Variants in MGAM observed in about 807,000 individuals in gnomAD.
MGAM encodes the protein alpha-1,4-glucosidase.
MGAM carries 253 observed loss-of-function variants against 358.8 expected under a neutral mutation model. The observed-to-expected ratio is 0.71, with a 90% CI of 0.64 to 0.78. The LOEUF (loss-of-function observed/expected upper bound fraction) is 0.78. Ranked by LOEUF, MGAM falls within the 30% of genes least tolerant of loss-of-function variation. The pLI is 0.00. For missense variants in MGAM, 3,080 were observed against 3,432.6 expected (o/e 0.90, Z 2.57); for synonymous variants, 1,105 against 1,227.1 (o/e 0.90, Z 2.08).
chr7:142,000,658 C>G lies in MGAM; in HGVS notation c.-3+4728C>G, dbSNP rs540047635. 2.7e-4 allele frequency among the ~76,000 whole-genome samples: 41 copies of G among 152,284 alleles called. 1 individual carries two copies. The South Asian group carries it at 7.9e-3, about 29-fold the overall frequency. ...ACTTCACGTATTTACTGATTGCTGTCTCTATGGATATTTACACTTTTTTGC... is the reference window on the plus strand; with the variant it reads ...ACTTCACGTATTTACTGATTGCTGTGTCTATGGATATTTACACTTTTTTGC... On this transcript the variant is annotated intron_variant, in intron 1 of 70. Transcript: ENST00000475668.
chr7:142,003,853 C>T (rs1804937661), intron 1 of MGAM, among the ~76,000 whole-genome samples: 1 of 151,336 alleles, frequency 6.6e-6, no homozygotes, highest in Non-Finnish European at 1.5e-5. Flanking sequence ...AAAAAAAACA[C>T]ATAACCCCAT....
intron 60 of MGAM, among the ~76,000 whole-genome samples, 171 bp downstream of exon 60, chr7:142,093,721 T>C (rs112470267): frequency 0.019 from 2,775 of 146,406 alleles, 159 homozygotes; most frequent in African/African-American, 0.064. Context: ...AGCCAGGCCC[T>C]GTGATTAAAA....
At chr7:141,994,088 C>G (rs1216879486), upstream of MGAM, among the ~76,000 whole-genome samples, 2 of 152,130 alleles carry the variant, frequency 1.3e-5, no homozygotes, top group Non-Finnish European at 2.9e-5. Flanking sequence ...GTTGGCCAGG[C>G]TGGTCTTGAA....
intron 36 of MGAM, 79 bp downstream of exon 36, chr7:142,063,665 C>T (rs1812452344): frequency 6.7e-7 from 1 of 1,485,012 alleles, no homozygotes; most frequent in Non-Finnish European, 9.2e-7. Context: ...CCAGGGGCAG[C>T]CCCACAGCTG....
chr7:142,034,471 A>G (rs1807800919), intron 15 of MGAM, 92 bp downstream of exon 15: 1 of 1,079,954 alleles, frequency 9.3e-7, no homozygotes, highest in Non-Finnish European at 1.3e-6. Flanking sequence ...CTAATGCATA[A>G]AATTTCTTAA....
chr7:142,061,181 G>A (rs566080884), intron 34 of MGAM, among the ~76,000 whole-genome samples: 4 of 152,246 alleles, frequency 2.6e-5, no homozygotes, highest in East Asian at 1.9e-4. Flanking sequence ...AGGGTCATCC[G>A]AGCAGTACTT....
At chr7:142,011,280 T>C (rs185765924) in intron 3 of MGAM, among the ~76,000 whole-genome samples, 66 of 152,328 alleles carry the variant, frequency 4.3e-4, no homozygotes, top group Admixed American at 1.8e-3. Context: ...GCTTATGATA[T>C]CCTTTTCCAA....
chr7:142,088,809 C>CTACCAT (rs1815056514), intron 57 of MGAM, among the ~76,000 whole-genome samples: 2 of 119,872 alleles, frequency 1.7e-5, no homozygotes, highest in East Asian at 5.1e-4. Flanking sequence ...ATCATTCTAT[C>CTACCAT]CTATCTATGT....
In MGAM at chr7:142,088,517, A is replaced by G. The variant is rs575465808; in HGVS notation, c.6810+1800A>G. On this transcript the variant is annotated intron_variant, in intron 57 of 70. Transcript: ENST00000475668. ...TATCATATCTATGTATCTACCGATC[A>G]ATGTATTAATTCATCCACCCACTCT... Among the ~76,000 whole-genome samples the G allele has an allele frequency of 2.7e-4, 39 of 144,100 alleles. 6 individuals are homozygous for G. The highest frequency in any genetic ancestry group is 5.5e-4 in the Non-Finnish European group (35 of 63,882). 94.5% of individuals were successfully genotyped at this position (144,100 alleles called of 152,430 possible).
At position 142,083,362 on chromosome 7, in the gene MGAM, T is replaced by C. The variant is rs2129053798; in HGVS notation, c.6330T>C (p.Phe2110=). The C allele has an allele frequency of 1.3e-6, 2 of 1,554,446 alleles. 1 individual carries two copies. The highest frequency in any genetic ancestry group is 1.8e-6 in the Non-Finnish European group (2 of 1,131,602). The stretch of plus-strand genomic sequence containing the variant: ...GTACCACAGGGGGAGTTCTGGACTT[T>C]TATGTGTTCTTGGGGCCAACTCCAG... The part of the protein sequence containing the change: ...TYRTTGGVLD[F]YVFLGPTPEL... The change falls in exon 53 of 71, where the codon TTT becomes TTC. Residue 2110 remains phenylalanine (F), a synonymous_variant. Transcript: ENST00000475668.
chr7:142,078,809 C>T lies in MGAM; in HGVS notation c.5648C>T (p.Ala1883Val), dbSNP rs760252558. 7 of 1,552,636 alleles carry T rather than the reference C, an allele frequency of 4.5e-6. No homozygotes were observed. In the East Asian group the frequency reaches 1.1e-4, roughly 25 times the overall value. The change falls in exon 49 of 71, where the codon GCA becomes GTA. Residue 1883 changes from alanine (A) to valine (V), a missense_variant and splice_region_variant. Ala to Val is a moderately conservative substitution (Grantham distance 64, BLOSUM62 0). This residue lies in a region of MGAM where 932 missense variants were observed against 1,198.2 expected (regional missense o/e 0.78). Transcript: ENST00000475668. ...NCTARGCIWE[A>V]SNSSGVPFCY... ...TATGACTTTGGCCTTACTTTTCAGG[C>T]ATCCAATTCTTCTGGAGTCCCTTTT...
chr7:142,103,449 C>T lies in MGAM; in HGVS notation c.8184+10C>T. ...TGACCCCACGACACAGGTTTGTGAC[C>T]AGCAAAAAGTGCGAATGGTATTCTC... On this transcript the variant is annotated intron_variant, in intron 70 of 70. Coordinates refer to ENST00000475668, the MANE Select transcript of MGAM (RefSeq NM_001365693.1). The T allele has an allele frequency of 1.9e-6, 3 of 1,584,564 alleles. No homozygotes were observed. Among genetic ancestry groups the T allele is most frequent in the Non-Finnish European group, 1.7e-6 (2 of 1,167,510 alleles).
chr7:142,073,514 A>T (rs1813510704), intron 44 of MGAM, among the ~76,000 whole-genome samples: 1 of 146,386 alleles, frequency 6.8e-6, no homozygotes, highest in Admixed American at 6.9e-5. Context: ...CATGTCTTTA[A>T]GTAATGTGTT....
Position 142,082,457 on chromosome 7 carries a change from C to T in MGAM, c.6172-18C>T. 3 of 1,477,314 alleles carry T rather than the reference C, an allele frequency of 2.0e-6. No homozygotes were observed. Among genetic ancestry groups the T allele is most frequent in the Non-Finnish European group, 2.8e-6 (3 of 1,075,862 alleles). The allele number at this position is 1,477,314 out of a possible 1,614,324, so 91.5% of individuals were successfully genotyped here. A position where few individuals can be genotyped will look rare whatever the true frequency, so the allele number is the denominator to read the frequency against. On this transcript the variant is annotated intron_variant, in intron 51 of 70. Coordinates refer to ENST00000475668, the MANE Select transcript of MGAM (RefSeq NM_001365693.1). Reference sequence around the variant, plus strand: ...AATGTCTTTTAAACTCCTACTGCTTCTCCCCATGACTCTCCAGTACAAGAA... The same window carrying T: ...AATGTCTTTTAAACTCCTACTGCTTTTCCCCATGACTCTCCAGTACAAGAA...
chr7:142,081,956 G>A lies in MGAM; in HGVS notation c.6003-86G>A. On this transcript the variant is annotated intron_variant, in intron 50 of 70. Transcript: ENST00000475668. ...TGAACAGCTTCTGGGTAGGAATCAA[G>A]TGTTCTGTTGTCCTTGAAAAGTCAG... 3.0e-6 allele frequency: 4 copies of A among 1,314,982 alleles called. 1 individual carries two copies. The highest frequency in any genetic ancestry group is 2.3e-5 in the East Asian group (1 of 42,648). 81.5% of individuals were successfully genotyped at this position (1,314,982 alleles called of 1,614,324 possible).
In MGAM at chr7:142,036,177, TGACATATG is replaced by T. The variant is rs1554465729; in HGVS notation, c.1969_1976del (p.Asp657TrpfsTer8). 1 of 1,610,302 alleles carries T rather than the reference TGACATATG, an allele frequency of 6.2e-7. No homozygotes were observed. Among genetic ancestry groups the T allele is most frequent in the Non-Finnish European group, 8.5e-7 (1 of 1,178,170 alleles). Reference sequence around the variant, plus strand: ...TCTGTGTGTCCTTCCAGGTGGGTCCTGACATATGTGGCTTTGCTTTGGACACCCCTGAG... The same window carrying T: ...TCTGTGTGTCCTTCCAGGTGGGTCCTTGGCTTTGCTTTGGACACCCCTGAG... On this transcript the variant is annotated frameshift_variant, in exon 17 of 71. Transcript: ENST00000475668. LOFTEE classifies it high-confidence loss of function.
rs565773911 is a variant in MGAM at position 142,096,317 on chromosome 7, A to G, written c.7608-14A>G. ...CTGTTGGGCTCTGTTGGGCACCTTCATTTCCCTTTCCAGGTTTGTGTCAGA... is the reference window on the plus strand; with the variant it reads ...CTGTTGGGCTCTGTTGGGCACCTTCGTTTCCCTTTCCAGGTTTGTGTCAGA... On this transcript the variant is annotated splice_polypyrimidine_tract_variant and intron_variant, in intron 64 of 70. Transcript: ENST00000475668. 1 of 1,610,502 alleles carries G rather than the reference A, an allele frequency of 6.2e-7. No individual in the cohort carries two copies. Among genetic ancestry groups the G allele is most frequent in the Admixed American group, 1.7e-5 (1 of 59,948 alleles).
chr7:142,067,711 T>G (rs1202169518), intron 42 of MGAM, among the ~76,000 whole-genome samples: 2 of 139,692 alleles, frequency 1.4e-5, no homozygotes, highest in African/African-American at 5.0e-5. Context: ...CTAAAATAAT[T>G]AATAGAAGGT....
chr7:142,053,091 G>T, intron 26 of MGAM, 107 bp downstream of exon 26: 1 of 1,217,718 alleles, frequency 8.2e-7, no homozygotes, highest in Admixed American at 2.2e-5. Flanking sequence ...TGCTACAACA[G>T]ACTATATCAT....
Sources: allele counts gnomAD v4.1 joint callset (sites outside exome capture counted in the v4.1 genomes callset), GRCh38; gene constraint gnomAD v4.1.1; regional missense constraint gnomAD v4.1.1; transcripts MANE v1.5; gene names NCBI Gene and HGNC (gene_info 2026-07-23, HGNC 2026-07-21).